ALG14: variants seen among roughly 807,000 people sequenced by gnomAD.
The protein encoded by ALG14 is UDP-N-acetylglucosamine transferase subunit ALG14.
In ALG14, 17 loss-of-function variants were observed where a neutral mutation model predicts 22.8. That is an observed-to-expected ratio of 0.75 (90% CI 0.51 to 1.12). ALG14 has a LOEUF of 1.12. Among genes scored for constraint, ALG14 ranks in the 50% most tolerant of loss-of-function variants. The probability of loss-of-function intolerance (pLI) is 0.00; values close to 1 mark genes in which losing one functional copy is unlikely to be tolerated. For synonymous variants in ALG14, 89 were observed against 103.7 expected (o/e 0.86, Z 0.86); for missense variants, 288 against 271.8 (o/e 1.06, Z -0.42).
intron 2 of ALG14, among the ~76,000 whole-genome samples, chr1:95,047,682 AATT>A (rs1674607354): frequency 6.6e-6 from 1 of 152,070 alleles, no homozygotes; most frequent in African/African-American, 2.4e-5. Flanking sequence ...AAAGTTTTAA[AATT>A]AAGAAACCAA....
At chr1:95,016,210 G>A (rs1320044477) in intron 3 of ALG14, among the ~76,000 whole-genome samples, 1 of 152,118 alleles carries the variant, frequency 6.6e-6, no homozygotes, top group African/African-American at 2.4e-5. Context: ...AAGAGTCTAT[G>A]ATGTCTCATT....
Position 95,070,237 on chromosome 1 carries a change from C to G in ALG14, c.136+2526G>C, listed in dbSNP as rs1399144899. ...TAGCATTAAATTATACCCTTTTGTC[C>G]AGTCATAATTCTACATGGCTGTCCA... is the stretch of plus-strand genomic sequence containing the variant. On this transcript the variant is annotated intron_variant, in intron 1 of 3. Coordinates refer to ENST00000370205, the MANE Select transcript of ALG14 (RefSeq NM_144988.4). Among the ~76,000 whole-genome samples, 3 of 152,138 alleles carry G rather than the reference C, an allele frequency of 2.0e-5. No individual in the cohort carries two copies. In the South Asian group the frequency reaches 6.2e-4, roughly 31 times the overall value.
chr1:94,979,487 G>T lies in ALG14; in HGVS notation c.*3589C>A, dbSNP rs1672460779. ...TTTTGTTGAAGAGCTGGCTTAGGTT[G>T]TAACTATGGGACTGAAAAGGAAAGG... On this transcript the variant is annotated 3_prime_UTR_variant, in exon 4 of 4. Transcript: ENST00000370205. The T allele has an allele frequency of 6.6e-6, 1 of 151,756 alleles. No homozygotes were observed. Among genetic ancestry groups the T allele is most frequent in the Non-Finnish European group, 1.5e-5 (1 of 67,978 alleles). 9.4% of individuals were successfully genotyped at this position (151,756 alleles called of 1,614,324 possible). A position where few individuals can be genotyped will look rare whatever the true frequency, so the allele number is the denominator to read the frequency against.
rs147569623 is a variant in ALG14 at position 94,992,647 on chromosome 1, G to A, written c.421-9341C>T. On this transcript the variant is annotated intron_variant, in intron 3 of 3. Coordinates refer to ENST00000370205, the MANE Select transcript of ALG14 (RefSeq NM_144988.4). ...TGTATCTCAGGGTTCTGAACTTCTT[G>A]TAGTGAATAACCTAAACAAAGATGC... Among the ~76,000 whole-genome samples, 68 of 152,220 alleles carry A rather than the reference G, an allele frequency of 4.5e-4. 1 individual carries two copies. In the East Asian group the frequency reaches 0.012, roughly 26 times the overall value.
chr1:95,055,010 G>A (rs1674880928), intron 2 of ALG14, among the ~76,000 whole-genome samples: 1 of 152,090 alleles, frequency 6.6e-6, no homozygotes, highest in Non-Finnish European at 1.5e-5. Context: ...TTCATACCAC[G>A]TACTTGGCCA....
intron 2 of ALG14, among the ~76,000 whole-genome samples, chr1:95,063,485 G>A (rs574860517): frequency 1.3e-5 from 2 of 152,262 alleles, no homozygotes; most frequent in South Asian, 4.1e-4. Context: ...TGTAAGGAAG[G>A]AATCCAGCTT....
At position 94,979,434 on chromosome 1, in the gene ALG14, A is replaced by C. The variant is rs982054787; in HGVS notation, c.*3642T>G. The C allele has an allele frequency of 2.6e-5, 4 of 152,112 alleles. No individual in the cohort carries two copies. The highest frequency in any genetic ancestry group is 6.6e-5 in the Admixed American group (1 of 15,266). The allele number at this position is 152,112 out of a possible 1,614,324, so 9.4% of individuals were successfully genotyped here. On this transcript the variant is annotated 3_prime_UTR_variant, in exon 4 of 4. Coordinates refer to ENST00000370205, the MANE Select transcript of ALG14 (RefSeq NM_144988.4). ...TCCACAGGTGTTTCCTCAGTTCCTC[A>C]ATAAAACTTGCTCATCAAGCAAGAA...
chr1:95,054,208 C>T (rs1674852503), intron 2 of ALG14, among the ~76,000 whole-genome samples: 2 of 152,164 alleles, frequency 1.3e-5, no homozygotes, highest in South Asian at 2.1e-4. Flanking sequence ...GAATTGTAAT[C>T]CTCAGTGTTG....
rs772833545 is a variant in ALG14 at position 95,065,016 on chromosome 1, A to G, written c.138T>C (p.Gly46=). The change falls in exon 2 of 4, where the codon GGT becomes GGC. Residue 46 remains glycine (G), a splice_region_variant and synonymous_variant. Transcript: ENST00000370205. ...GCCTCAGGATCTCAGTGGTATGCCC[A>G]CCTGGAAAAAATATCAGAAGTCCTA... ...SLSILVVAGS[G]GHTTEILRLL... 9 of 1,610,194 alleles carry G rather than the reference A, an allele frequency of 5.6e-6. No homozygotes were observed. In the South Asian group the frequency reaches 8.8e-5, roughly 16 times the overall value.
At chr1:95,049,304 G>A (rs1352713262) in intron 2 of ALG14, among the ~76,000 whole-genome samples, 1 of 152,134 alleles carries the variant, frequency 6.6e-6, no homozygotes, top group East Asian at 1.9e-4. Flanking sequence ...AGGTGAAAAT[G>A]GGCAGATTGC....
At chr1:95,055,828 T>TAAAAAA (rs35131311) in intron 2 of ALG14, among the ~76,000 whole-genome samples, 10 of 33,052 alleles carry the variant, frequency 3.0e-4, no homozygotes, top group African/African-American at 8.3e-4. Flanking sequence ...CCGTCTCTAC[T>TAAAAAA]AAAAAAAAAA....
intron 3 of ALG14, among the ~76,000 whole-genome samples, chr1:94,988,159 T>C (rs1455122451): frequency 6.6e-6 from 1 of 152,124 alleles, no homozygotes; most frequent in African/African-American, 2.4e-5. Context: ...TTATAGGGTA[T>C]TGGCTCCATT....
chr1:95,047,826 A>G (rs1674611250), intron 2 of ALG14, among the ~76,000 whole-genome samples: 1 of 152,092 alleles, frequency 6.6e-6, no homozygotes, highest in Non-Finnish European at 1.5e-5. Flanking sequence ...CAAAAAATAA[A>G]AAAGCCAGGT....
intron 3 of ALG14, among the ~76,000 whole-genome samples, chr1:95,021,132 T>C (rs1673649851): frequency 6.6e-6 from 1 of 152,208 alleles, no homozygotes; most frequent in Non-Finnish European, 1.5e-5. Context: ...TTATGCAATG[T>C]TTTTTTCCTA....
intron 1 of ALG14, among the ~76,000 whole-genome samples, chr1:95,065,936 TA>T (rs1675345294): frequency 6.6e-6 from 1 of 152,186 alleles, no homozygotes; most frequent in Admixed American, 6.5e-5. Flanking sequence ...TCTACCTATC[TA>T]TAAACGATTT....
chr1:95,014,646 A>G (rs1419688322), intron 3 of ALG14, among the ~76,000 whole-genome samples: 2 of 152,238 alleles, frequency 1.3e-5, no homozygotes, highest in African/African-American at 4.8e-5. Context: ...TGAATTATCT[A>G]CAAATAGTTA....
chr1:95,021,365 T>G (rs539437520), intron 3 of ALG14, among the ~76,000 whole-genome samples: 1 of 152,308 alleles, frequency 6.6e-6, no homozygotes, highest in Admixed American at 6.5e-5. Flanking sequence ...TTCAAATTTT[T>G]AAAACTTCCC....
At chr1:95,065,091 T>C (rs914294107) in intron 1 of ALG14, 74 bp from the exon 2 acceptor site, 12 of 1,357,624 alleles carry the variant, frequency 8.8e-6, no homozygotes, top group Non-Finnish European at 9.8e-6. Flanking sequence ...GTTATACCAA[T>C]ATCATGGTTT....
At chr1:95,013,810 G>T (rs1243345619) in intron 3 of ALG14, among the ~76,000 whole-genome samples, 1 of 151,886 alleles carries the variant, frequency 6.6e-6, no homozygotes, top group African/African-American at 2.4e-5. Flanking sequence ...TAGTAGACTA[G>T]ACTCCAGCTT....
Sources: gnomAD v4.1 joint callset for allele counts (sites outside exome capture counted in the v4.1 genomes callset) on GRCh38, gnomAD v4.1.1 for gene constraint, MANE v1.5 for transcripts, NCBI Gene and HGNC (gene_info 2026-07-23, HGNC 2026-07-21) for gene names.